SPRY3: variants seen among roughly 807,000 people sequenced by gnomAD.
The protein encoded by SPRY3 is protein sprouty homolog 3.
Under a neutral mutation model 20.2 loss-of-function variants are expected in SPRY3, and 15 were observed. The observed-to-expected ratio is 0.74, with a 90% CI of 0.50 to 1.14. The LOEUF (loss-of-function observed/expected upper bound fraction) is 1.14, where lower values mean the gene tolerates loss of function less well. Among genes scored for constraint, SPRY3 ranks in the 50% most tolerant of loss-of-function variants. SPRY3 has a pLI of 0.00. For missense variants in SPRY3, 364 were observed against 363.9 expected, an observed-to-expected ratio of 1.00 and a Z score of 0.00; for synonymous variants, 143 against 136.5, an observed-to-expected ratio of 1.05 and a Z score of -0.33.
At chrX:155,747,019 C>G (rs1330736674) in intron 2 of SPRY3, among the ~76,000 whole-genome samples, 2 of 151,890 alleles carry the variant, frequency 1.3e-5, no homozygotes, top group African/African-American at 4.8e-5. Flanking sequence ...AGTAAACTTT[C>G]AGCCCTCAAA....
chrX:155,684,198 G>A (rs1190178406), intron 2 of SPRY3, among the ~76,000 whole-genome samples: 1 of 110,899 alleles, frequency 9.0e-6, no homozygotes, highest in Non-Finnish European at 1.9e-5. Flanking sequence ...AGGGGATGTA[G>A]TTTTGAAGGA....
At chrX:155,719,981 C>A (rs2091045916) in intron 2 of SPRY3, among the ~76,000 whole-genome samples, 1 of 152,072 alleles carries the variant, frequency 6.6e-6, no homozygotes, top group Admixed American at 6.5e-5. Context: ...GGTGAAGCAC[C>A]AAATGGGCTC....
chrX:155,752,493 A>G (rs901934184), intron 2 of SPRY3, among the ~76,000 whole-genome samples: 1 of 151,696 alleles, frequency 6.6e-6, no homozygotes, highest in African/African-American at 2.4e-5. Flanking sequence ...AGTAATGTTT[A>G]TGCTATAGGT....
At chrX:155,763,025 G>T (rs1360019406) in intron 2 of SPRY3, among the ~76,000 whole-genome samples, 1 of 152,074 alleles carries the variant, frequency 6.6e-6, no homozygotes, top group Non-Finnish European at 1.5e-5. Context: ...GGAATACTAT[G>T]CAGCCACAAA....
intron 2 of SPRY3, among the ~76,000 whole-genome samples, chrX:155,716,954 T>C (rs1201397824): frequency 7.6e-6 from 1 of 131,920 alleles, no homozygotes; most frequent in African/African-American, 2.9e-5. Context: ...GGCAACACGG[T>C]GAAACCCTGT....
intron 3 of SPRY3, among the ~76,000 whole-genome samples, chrX:155,771,151 C>T (rs2091378404): frequency 6.6e-6 from 1 of 152,116 alleles, no homozygotes; most frequent in Non-Finnish European, 1.5e-5. Flanking sequence ...TCCAACCAAG[C>T]ATCTCAATTT....
intron 3 of SPRY3, among the ~76,000 whole-genome samples, chrX:155,768,367 A>G: frequency 6.6e-6 from 1 of 152,324 alleles, no homozygotes; most frequent in Non-Finnish European, 1.5e-5. Flanking sequence ...AAATCCAAAT[A>G]GGACTTCAAA....
chrX:155,631,450 G>A (rs782241003), intron 1 of SPRY3, among the ~76,000 whole-genome samples: 5 of 111,908 alleles, frequency 4.5e-5, no homozygotes, highest in African/African-American at 1.6e-4. Flanking sequence ...TTTTCCTCTG[G>A]ATATATACCC....
At chrX:155,761,669 A>G (rs1348757647) in intron 2 of SPRY3, among the ~76,000 whole-genome samples, 1 of 151,652 alleles carries the variant, frequency 6.6e-6, no homozygotes, top group Non-Finnish European at 1.5e-5. Flanking sequence ...ATTCTCAACA[A>G]CAGTGCATAA....
intron 2 of SPRY3, among the ~76,000 whole-genome samples, chrX:155,748,770 T>C (rs2091242488): frequency 6.6e-6 from 1 of 151,876 alleles, no homozygotes; most frequent in Admixed American, 6.6e-5. Flanking sequence ...CTTTTCTCTC[T>C]TTCCACGTAC....
At chrX:155,629,305 C>T in intron 1 of SPRY3, among the ~76,000 whole-genome samples, 1 of 109,885 alleles carries the variant, frequency 9.1e-6, no homozygotes. Context: ...TGGTTTACAG[C>T]TCCATCCATG....
At chrX:155,780,192 C>T (rs1019410462), downstream of SPRY3, 1 of 166,956 alleles carries the variant, frequency 6.0e-6, no homozygotes, top group African/African-American at 2.4e-5. Context: ...CCCAAACTAA[C>T]CTGGCAATCC....
At chrX:155,732,240 G>C (rs992631212) in intron 2 of SPRY3, among the ~76,000 whole-genome samples, 7 of 152,044 alleles carry the variant, frequency 4.6e-5, no homozygotes, top group Non-Finnish European at 8.8e-5. Flanking sequence ...AAATCAGTCA[G>C]ATTTGCTCCA....
At chrX:155,774,668 C>T (rs767334622) in exon 4 of SPRY3, 1 of 1,614,000 alleles carries the variant, frequency 6.2e-7, no homozygotes, top group Non-Finnish European at 8.5e-7. Context: ...AAGAGGCACA[C>T]CAACACTGTG....
chrX:155,767,710 G>GAGGAGT (rs2091345003), intron 2 of SPRY3: 1 of 106,834 alleles, frequency 9.4e-6, no homozygotes, highest in Non-Finnish European at 1.9e-5. Flanking sequence ...GAAAGAAGAG[G>GAGGAGT]AGGAGGAGAA....
intron 2 of SPRY3, among the ~76,000 whole-genome samples, chrX:155,748,850 A>G (rs996962133): frequency 6.6e-5 from 10 of 151,936 alleles, no homozygotes; most frequent in African/African-American, 1.9e-4. Context: ...TCACATGTAC[A>G]GAAAATATGA....
At chrX:155,630,091 C>G (rs1420669007) in intron 1 of SPRY3, among the ~76,000 whole-genome samples, 1 of 111,988 alleles carries the variant, frequency 8.9e-6, no homozygotes, top group African/African-American at 3.2e-5. Context: ...AAAAAACAAA[C>G]AAACAAACAG....
At chrX:155,670,244 TG>T (rs2068036142) in intron 2 of SPRY3, among the ~76,000 whole-genome samples, 1 of 111,614 alleles carries the variant, frequency 9.0e-6, no homozygotes. Context: ...CTATTATTTA[TG>T]AAAAGTGCAC....
intron 2 of SPRY3, among the ~76,000 whole-genome samples, chrX:155,692,378 A>G (rs1036551537): frequency 1.7e-4 from 19 of 111,463 alleles, no homozygotes; most frequent in Non-Finnish European, 3.2e-4. Flanking sequence ...TGAGTCTATT[A>G]TGTTTCAGTG....
Sources: gnomAD v4.1 joint callset for allele counts (sites outside exome capture counted in the v4.1 genomes callset) on GRCh38, gnomAD v4.1.1 for gene constraint, MANE v1.5 for transcripts, NCBI Gene and HGNC (gene_info 2026-07-23, HGNC 2026-07-21) for gene names.